ATP8A1: variants seen among roughly 807,000 people sequenced by gnomAD.
ATP8A1 encodes the protein ATPase phospholipid transporting 8A1, also known as phospholipid-transporting ATPase IA.
In ATP8A1, 90 loss-of-function variants were observed where a neutral mutation model predicts 177.7. The observed-to-expected ratio is 0.51, with a 90% confidence interval of 0.43 to 0.60. The LOEUF (loss-of-function observed/expected upper bound fraction) is 0.60. Among genes scored for constraint, ATP8A1 ranks in the 20% least tolerant of loss-of-function variants. ATP8A1 has a pLI of 0.00. For missense variants in ATP8A1, 1,072 were observed against 1,392.8 expected (o/e 0.77, Z 3.67); for synonymous variants, 493 against 485.9 (o/e 1.01, Z -0.19).
chr4:42,583,524 G>A (rs2109349672), intron 9 of ATP8A1, among the ~76,000 whole-genome samples: 1 of 152,198 alleles, frequency 6.6e-6, no homozygotes, highest in Non-Finnish European at 1.5e-5. Context: ...GTGGTGGTGT[G>A]GATTGACCGG....
At chr4:42,452,258 T>A (rs570761759) in intron 29 of ATP8A1, among the ~76,000 whole-genome samples, 199 bp from the exon 30 acceptor site, 12 of 152,336 alleles carry the variant, frequency 7.9e-5, no homozygotes, top group Middle Eastern at 6.8e-3. Flanking sequence ...TCTCAAAATG[T>A]TTTTTCAGCT....
At position 42,586,406 on chromosome 4, in the gene ATP8A1, T is replaced by C; in HGVS notation, c.665A>G (p.Glu222Gly). ...ATCGTAGAGATGTCTGTTTGGACTT[T>C]CACACTCAATTCTGCCAGAAATCCT... ...LMRISGRIEC[E>G]SPNRHLYDFV... is the part of the protein sequence containing the mutation. Residue 222 changes from glutamate (E) to glycine (G), a missense_variant, in exon 9 of 37, where the codon GAA becomes GGA. Glu to Gly is a moderately conservative substitution (Grantham distance 98, BLOSUM62 -2). This residue lies in a region of ATP8A1 where 344 missense variants were observed against 393.5 expected (regional missense o/e 0.87). Coordinates refer to ENST00000381668, the MANE Select transcript of ATP8A1 (RefSeq NM_006095.2). 1 of 1,614,164 alleles carries C rather than the reference T, an allele frequency of 6.2e-7. No individual in the cohort carries two copies. The highest frequency in any genetic ancestry group is 8.5e-7 in the Non-Finnish European group (1 of 1,179,984).
intron 4 of ATP8A1, 23 bp from the exon 5 acceptor site, chr4:42,616,101 A>G (rs1736886659): frequency 6.2e-7 from 1 of 1,603,778 alleles, no homozygotes; most frequent in Non-Finnish European, 8.5e-7. Flanking sequence ...AGCAAAAAGA[A>G]CAACTGTGAA....
At chr4:42,440,538 TTCTG>T (rs1716509603) in intron 33 of ATP8A1, among the ~76,000 whole-genome samples, 1 of 152,142 alleles carries the variant, frequency 6.6e-6, no homozygotes, top group African/African-American at 2.4e-5. Flanking sequence ...GGGCATGGGT[TTCTG>T]TCTGTTTCAT....
chr4:42,527,224 G>C (rs1726766868), intron 20 of ATP8A1, among the ~76,000 whole-genome samples: 1 of 152,144 alleles, frequency 6.6e-6, no homozygotes, highest in African/African-American at 2.4e-5. Flanking sequence ...TGGAAAAACA[G>C]ACACAAGCTG....
intron 25 of ATP8A1, among the ~76,000 whole-genome samples, chr4:42,471,124 C>T (rs896251090): frequency 3.9e-5 from 6 of 152,242 alleles, no homozygotes; most frequent in African/African-American, 1.4e-4. Flanking sequence ...TAGAAGCTCA[C>T]CATCAACTTG....
In ATP8A1 at chr4:42,656,911, C is replaced by G. The variant is rs776849680; in HGVS notation, c.-38G>C. On this transcript the variant is annotated 5_prime_UTR_variant, in exon 1 of 37. Coordinates refer to ENST00000381668, the MANE Select transcript of ATP8A1 (RefSeq NM_006095.2). ...TGCAGGTGGGTCCTCAGCCCGGACT[C>G]TGCACCTGTCACGGCGTGGTACACG... 6.6e-7 allele frequency: 1 copy of G among 1,523,378 alleles called. No homozygotes were observed. Among genetic ancestry groups the G allele is most frequent in the South Asian group, 1.2e-5 (1 of 81,048 alleles). 94.4% of individuals were successfully genotyped at this position (1,523,378 alleles called of 1,614,324 possible). A position where few individuals can be genotyped will look rare whatever the true frequency, so the allele number is the denominator to read the frequency against.
At chr4:42,506,250 A>C (rs957650416) in intron 23 of ATP8A1, among the ~76,000 whole-genome samples, 8 of 152,192 alleles carry the variant, frequency 5.3e-5, no homozygotes, top group Non-Finnish European at 1.2e-4. Flanking sequence ...TCATGAGAGC[A>C]GAGAGCTCAT....
intron 21 of ATP8A1, among the ~76,000 whole-genome samples, chr4:42,524,396 C>T (rs1345946175): frequency 1.3e-5 from 2 of 150,152 alleles, no homozygotes; most frequent in Non-Finnish European, 1.5e-5. Flanking sequence ...TTTATTTCTT[C>T]TTTCTTATTC....
Position 42,543,998 on chromosome 4 carries a change from AG to A in ATP8A1, c.1653-13del. The A allele has an allele frequency of 6.2e-7, 1 of 1,611,300 alleles. No homozygotes were observed. Among genetic ancestry groups the A allele is most frequent in the East Asian group, 2.2e-5 (1 of 44,804 alleles). ...TTCTTTTCCTAGCACTGAAAGAAAGAGGTTTTGCATAATGTGTCATCATACC... is the reference window on the plus strand; with the variant it reads ...TTCTTTTCCTAGCACTGAAAGAAAGAGTTTTGCATAATGTGTCATCATACC... On this transcript the variant is annotated splice_polypyrimidine_tract_variant and intron_variant, in intron 19 of 36. Transcript: ENST00000381668.
intron 1 of ATP8A1, among the ~76,000 whole-genome samples, chr4:42,655,739 CTATTT>C (rs1242161389): frequency 4.6e-5 from 7 of 152,160 alleles, no homozygotes; most frequent in African/African-American, 1.7e-4. Flanking sequence ...TTCAGGGACC[CTATTT>C]TTACAGGGAG....
chr4:42,532,400 C>T (rs557327047), intron 20 of ATP8A1, among the ~76,000 whole-genome samples: 3 of 151,772 alleles, frequency 2.0e-5, no homozygotes, highest in East Asian at 3.9e-4. Context: ...GCAGGAGAAT[C>T]GCTTGAACCC....
chr4:42,617,420 G>A (rs1388593713), intron 4 of ATP8A1, among the ~76,000 whole-genome samples: 2 of 152,168 alleles, frequency 1.3e-5, no homozygotes, highest in African/African-American at 4.8e-5. Flanking sequence ...GCATATTATT[G>A]CTTCCAAAAG....
chr4:42,645,397 T>C (rs1331163241), intron 1 of ATP8A1, among the ~76,000 whole-genome samples: 2 of 152,208 alleles, frequency 1.3e-5, no homozygotes, highest in African/African-American at 4.8e-5. Flanking sequence ...ACCTATATAG[T>C]TGTATACAAT....
At chr4:42,477,418 T>G (rs1721184308) in intron 25 of ATP8A1, among the ~76,000 whole-genome samples, 1 of 152,182 alleles carries the variant, frequency 6.6e-6, no homozygotes, top group Non-Finnish European at 1.5e-5. Context: ...TGTTTTGGAA[T>G]AATGTGGCAA....
At chr4:42,643,481 C>A (rs946640878) in intron 1 of ATP8A1, among the ~76,000 whole-genome samples, 6 of 152,116 alleles carry the variant, frequency 3.9e-5, no homozygotes, top group African/African-American at 1.4e-4. Context: ...AAACTTTAGT[C>A]ATTTTTGACT....
chr4:42,473,611 G>T (rs1035992702), intron 25 of ATP8A1, among the ~76,000 whole-genome samples: 1 of 150,360 alleles, frequency 6.7e-6, no homozygotes, highest in African/African-American at 2.4e-5. Context: ...GGGGAGGTAA[G>T]GAAGGGATAA....
At chr4:42,472,763 A>G (rs1025054682) in intron 25 of ATP8A1, among the ~76,000 whole-genome samples, 12 of 141,624 alleles carry the variant, frequency 8.5e-5, no homozygotes, top group Non-Finnish European at 1.1e-4. Context: ...AAAAAAAAAA[A>G]AGAGAGAAAA....
chr4:42,557,874 C>G (rs1204160894), intron 15 of ATP8A1, among the ~76,000 whole-genome samples: 1 of 151,990 alleles, frequency 6.6e-6, no homozygotes, highest in African/African-American at 2.4e-5. Flanking sequence ...GAAACCCCAT[C>G]TCTACTAAAA....
Sources: allele counts gnomAD v4.1 joint callset (sites outside exome capture counted in the v4.1 genomes callset), GRCh38; gene constraint gnomAD v4.1.1; regional missense constraint gnomAD v4.1.1; transcripts MANE v1.5; gene names NCBI Gene and HGNC (gene_info 2026-07-23, HGNC 2026-07-21).